MAST4: variants seen among roughly 807,000 people sequenced by gnomAD.
MAST4 encodes the protein microtubule-associated serine/threonine-protein kinase 4.
MAST4 carries 89 observed loss-of-function variants against 162.7 expected under a neutral mutation model. The observed-to-expected ratio is 0.55, with a 90% CI of 0.46 to 0.65. The LOEUF is 0.65. Ranked by LOEUF, MAST4 falls within the 30% of genes least tolerant of loss-of-function variation. The pLI is 0.00. For synonymous variants in MAST4, 1,479 were observed against 1,361.1 expected (o/e 1.09, Z -1.91); for missense variants, 3,153 against 3,374.0 (o/e 0.93, Z 1.62).
At chr5:67,017,514 T>G (rs1483968473) in intron 4 of MAST4, among the ~76,000 whole-genome samples, 3 of 152,228 alleles carry the variant, frequency 2.0e-5, no homozygotes, top group African/African-American at 4.8e-5. Flanking sequence ...ATCATCCTTT[T>G]TCAGGTATGT....
chr5:66,924,480 G>A (rs1000176980), intron 4 of MAST4, among the ~76,000 whole-genome samples: 2 of 150,790 alleles, frequency 1.3e-5, no homozygotes, highest in African/African-American at 2.4e-5. Context: ...TGCAAGCTCC[G>A]CCTCCCAGGT....
At chr5:66,867,291 C>T (rs4700168) in intron 3 of MAST4, among the ~76,000 whole-genome samples, 59,354 of 152,076 alleles carry the variant, frequency 0.39, 13,771 homozygotes, top group Non-Finnish European at 0.52. Flanking sequence ...TTTTATAAAT[C>T]GTCTGATGTT....
intron 1 of MAST4, among the ~76,000 whole-genome samples, chr5:66,637,125 C>T (rs1484323533): frequency 2.0e-5 from 3 of 152,108 alleles, no homozygotes; most frequent in Non-Finnish European, 4.4e-5. Flanking sequence ...GTTTTTCCCC[C>T]CTCACTTGAG....
intron 1 of MAST4, among the ~76,000 whole-genome samples, chr5:66,699,124 T>C (rs1749601875): frequency 6.6e-6 from 1 of 152,158 alleles, no homozygotes; most frequent in African/African-American, 2.4e-5. Flanking sequence ...TGACACGCCC[T>C]CCGGCACAAT....
intron 4 of MAST4, among the ~76,000 whole-genome samples, chr5:67,017,787 C>T (rs1272204058): frequency 1.3e-5 from 2 of 151,508 alleles, no homozygotes; most frequent in Non-Finnish European, 2.9e-5. Flanking sequence ...TTAGTAGAGA[C>T]GGGGTTTCTT....
intron 3 of MAST4, among the ~76,000 whole-genome samples, chr5:66,875,827 C>A (rs27875): frequency 6.6e-6 from 1 of 152,086 alleles, no homozygotes. Flanking sequence ...GTAGCACAGT[C>A]TTAGCTCAGT....
At chr5:67,093,073 A>G (rs184394694) in intron 6 of MAST4, among the ~76,000 whole-genome samples, 2 of 152,356 alleles carry the variant, frequency 1.3e-5, no homozygotes, top group Admixed American at 1.3e-4. Context: ...TCATACAGTT[A>G]GAATAGCCAG....
At chr5:66,628,027 T>C (rs1744550675) in intron 1 of MAST4, among the ~76,000 whole-genome samples, 1 of 152,124 alleles carries the variant, frequency 6.6e-6, no homozygotes, top group South Asian at 2.1e-4. Flanking sequence ...TTTAAGTGTT[T>C]GTTGTTGTTG....
chr5:66,792,809 A>G (rs1755476399), intron 3 of MAST4, among the ~76,000 whole-genome samples: 1 of 152,242 alleles, frequency 6.6e-6, no homozygotes, highest in South Asian at 2.1e-4. Flanking sequence ...TTAAGCAATC[A>G]TATAGTCACA....
In MAST4 at chr5:67,166,890, C is replaced by T. The variant is rs776248536; in HGVS notation, c.7711C>T (p.Pro2571Ser). 4.1e-5 allele frequency: 66 copies of T among 1,610,372 alleles called. No individual in the cohort carries two copies. In the South Asian group the frequency reaches 6.5e-4, roughly 16 times the overall value. The change falls in exon 29 of 29, where the codon CCC becomes TCC. Residue 2571 changes from proline to serine, a missense_variant. Physicochemically the swap from Pro to Ser is moderately conservative, Grantham distance 74. Around this residue, in one of 7 missense-constraint regions of MAST4, gnomAD observed 1,644 missense variants for 1,495.0 expected, o/e 1.10. Transcript: ENST00000403625. ...KGKDPAPAQP[P>S]PARKQNVGRD... ...GAAGGACCCTGCCCCAGCCCAGCCT[C>T]CCCCAGCTAGGAAACAGAACGTGGG...
intron 9 of MAST4, among the ~76,000 whole-genome samples, chr5:67,103,612 A>C (rs527703946): frequency 1.3e-5 from 2 of 152,320 alleles, no homozygotes; most frequent in South Asian, 2.1e-4. Context: ...GAATGAAATG[A>C]AAGTTGGAAA....
At chr5:66,687,403 A>C (rs1748730822) in intron 1 of MAST4, among the ~76,000 whole-genome samples, 1 of 151,914 alleles carries the variant, frequency 6.6e-6, no homozygotes, top group African/African-American at 2.4e-5. Context: ...GCTGCAAAGG[A>C]CATGATTTCA....
rs1770482725 is a variant in MAST4 at position 67,142,232 on chromosome 5, T to TTGATAG, written c.2614_2617+2dup. 6.2e-7 allele frequency: 1 copy of TTGATAG among 1,613,752 alleles called. No individual in the cohort carries two copies. The highest frequency in any genetic ancestry group is 1.3e-5 in the African/African-American group (1 of 75,056). ...GAATCTGAGGATGACACAAGTTATTTTGATAGTATGTGCTTTATCTGACAT... is the reference window on the plus strand; with the variant it reads ...GAATCTGAGGATGACACAAGTTATTTTGATAGTGATAGTATGTGCTTTATCTGACAT... On this transcript the variant is annotated inframe_insertion, in exon 20 of 29. Transcript: ENST00000403625.
At chr5:66,821,777 C>T (rs952838562) in intron 3 of MAST4, among the ~76,000 whole-genome samples, 1 of 152,092 alleles carries the variant, frequency 6.6e-6, no homozygotes, top group Non-Finnish European at 1.5e-5. Flanking sequence ...GCTGGGAAAC[C>T]TCGGTGCCCT....
intron 4 of MAST4, among the ~76,000 whole-genome samples, chr5:66,966,819 A>G (rs1431632659): frequency 1.3e-5 from 2 of 152,218 alleles, no homozygotes; most frequent in Non-Finnish European, 2.9e-5. Flanking sequence ...TTCAGTAGAT[A>G]ATTTTCAATG....
At chr5:67,086,509 G>A (rs1027820977) in intron 5 of MAST4, among the ~76,000 whole-genome samples, 1 of 152,162 alleles carries the variant, frequency 6.6e-6, no homozygotes, top group Admixed American at 6.5e-5. Context: ...TCCCCAGGGG[G>A]ATCATGGAGT....
chr5:66,717,094 A>T (rs1260926720), intron 1 of MAST4, among the ~76,000 whole-genome samples: 2 of 152,108 alleles, frequency 1.3e-5, no homozygotes, highest in Non-Finnish European at 2.9e-5. Flanking sequence ...CCTGAAGAGG[A>T]GCGTTTCCTA....
At chr5:66,820,900 G>C (rs930099248) in intron 3 of MAST4, among the ~76,000 whole-genome samples, 1 of 152,160 alleles carries the variant, frequency 6.6e-6, no homozygotes, top group African/African-American at 2.4e-5. Context: ...AAAAAAAGAT[G>C]ATGCAAACGT....
chr5:67,034,347 C>T (rs919630130), intron 4 of MAST4, among the ~76,000 whole-genome samples: 20 of 152,130 alleles, frequency 1.3e-4, no homozygotes, highest in Non-Finnish European at 2.4e-4. Flanking sequence ...TGGACGGGAT[C>T]CATGTCAGGT....
Sources: gnomAD v4.1 joint callset for allele counts (sites outside exome capture counted in the v4.1 genomes callset) on GRCh38, gnomAD v4.1.1 for gene constraint, gnomAD v4.1.1 regional missense constraint, MANE v1.5 for transcripts, NCBI Gene and HGNC (gene_info 2026-07-23, HGNC 2026-07-21) for gene names.